Variants in LMO7 observed in about 807,000 individuals in gnomAD.
LMO7 encodes LIM domain only protein 7.
LMO7 carries 120 observed loss-of-function variants against 206.5 expected under a neutral mutation model. The observed-to-expected ratio is 0.58, with a 90% CI of 0.50 to 0.68. LMO7 has a LOEUF of 0.68. Ranked by LOEUF, LMO7 falls within the 30% of genes least tolerant of loss-of-function variation. The pLI is 0.00. For synonymous variants in LMO7, 706 were observed against 681.5 expected (o/e 1.04, Z -0.56); for missense variants, 1,959 against 1,957.9 (o/e 1.00, Z -0.01).
At chr13:75,837,607 G>A (rs2059233544) in intron 19 of LMO7, among the ~76,000 whole-genome samples, 2 of 152,108 alleles carry the variant, frequency 1.3e-5, no homozygotes, top group Non-Finnish European at 2.9e-5. Context: ...GTAGCTACCA[G>A]ATCTTGAAAA....
chr13:75,850,042 C>G (rs1364890833), intron 27 of LMO7, among the ~76,000 whole-genome samples: 1 of 152,106 alleles, frequency 6.6e-6, no homozygotes, highest in East Asian at 1.9e-4. Context: ...CACTGGAACC[C>G]GTGAGGCAGA....
upstream of LMO7, chr13:75,636,299 G>A: frequency 9.2e-7 from 1 of 1,082,558 alleles, no homozygotes; most frequent in Non-Finnish European, 1.1e-6. Context: ...CCGCGGGGAG[G>A]ACGGCGGCGG....
chr13:75,639,951 A>G (rs751530320), intron 1 of LMO7, among the ~76,000 whole-genome samples: 2 of 152,214 alleles, frequency 1.3e-5, no homozygotes, highest in African/African-American at 2.4e-5. Context: ...TGGCACTAGA[A>G]TATGAGTCCT....
chr13:75,632,862 G>GTTGTTTTTTTTTTTTTTTTTTT (rs2099197047), upstream of LMO7, among the ~76,000 whole-genome samples: 2 of 102,152 alleles, frequency 2.0e-5, no homozygotes, highest in South Asian at 7.4e-4. Flanking sequence ...TTACTTAAAA[G>GTTGTTTTTTTTTTTTTTTTTTT]TTTTTTTTTT....
chr13:75,709,743 T>C (rs954198860), intron 1 of LMO7, among the ~76,000 whole-genome samples: 31 of 152,218 alleles, frequency 2.0e-4, no homozygotes, highest in Non-Finnish European at 1.2e-4. Flanking sequence ...TCCCATTCTG[T>C]AGGTTGCCTG....
intron 4 of LMO7, among the ~76,000 whole-genome samples, chr13:75,795,108 A>C (rs1264107076): frequency 1.3e-5 from 2 of 152,194 alleles, no homozygotes; most frequent in African/African-American, 4.8e-5. Context: ...TAATGTATTT[A>C]AAAATTAGAC....
intron 1 of LMO7, among the ~76,000 whole-genome samples, chr13:75,675,876 G>A (rs551090690): frequency 4.2e-4 from 57 of 135,530 alleles, no homozygotes; most frequent in Middle Eastern, 7.6e-3. Flanking sequence ...TGTAAAACGC[G>A]TGCACGAGCG....
chr13:75,824,140 C>A (rs2057881949), intron 15 of LMO7, among the ~76,000 whole-genome samples: 1 of 152,096 alleles, frequency 6.6e-6, no homozygotes, highest in Admixed American at 6.5e-5. Flanking sequence ...TCTCTATATT[C>A]CATGTTTCAG....
At chr13:75,696,728 A>C (rs1290152849) in intron 1 of LMO7, among the ~76,000 whole-genome samples, 6 of 152,154 alleles carry the variant, frequency 3.9e-5, no homozygotes, top group Admixed American at 2.6e-4. Context: ...TTAACAGGTG[A>C]GTCCTGTCCA....
intron 1 of LMO7, among the ~76,000 whole-genome samples, chr13:75,697,584 A>G (rs1594348902): frequency 6.6e-6 from 1 of 152,206 alleles, no homozygotes; most frequent in East Asian, 1.9e-4. Flanking sequence ...TACAATTCAC[A>G]ATGAGATTTG....
chr13:75,733,073 G>T (rs1408588822), intron 3 of LMO7, among the ~76,000 whole-genome samples: 1 of 152,166 alleles, frequency 6.6e-6, no homozygotes, highest in Non-Finnish European at 1.5e-5. Context: ...GGGGGTCAGG[G>T]GTCAGGGACC....
At chr13:75,750,564 A>T (rs1168083298) in intron 3 of LMO7, among the ~76,000 whole-genome samples, 1 of 150,690 alleles carries the variant, frequency 6.6e-6, no homozygotes, top group African/African-American at 2.4e-5. Context: ...TAATAATTTT[A>T]TTTTTTTTGG....
chr13:75,809,154 ACT>A lies in LMO7; in HGVS notation c.1920_1921del (p.Phe641SerfsTer6). ...AATTTTTGGTTTTCTGGTTTCTTAGACTCTTTCAAAAGATTTATGGTGAGAAT... is the reference window on the plus strand; with the variant it reads ...AATTTTTGGTTTTCTGGTTTCTTAGACTTTCAAAAGATTTATGGTGAGAAT... ...RHKKRLMVER[L>X]FQKIYGENGS... On this transcript the variant is annotated frameshift_variant and splice_region_variant, in exon 11 of 31. Transcript: ENST00000377534. LOFTEE classifies it high-confidence loss of function. The A allele has an allele frequency of 1.2e-6, 2 of 1,611,500 alleles. No individual in the cohort carries two copies. The highest frequency in any genetic ancestry group is 1.7e-6 in the Non-Finnish European group (2 of 1,177,974).
chr13:75,836,989 A>G (rs776993373), intron 19 of LMO7, among the ~76,000 whole-genome samples: 7 of 152,148 alleles, frequency 4.6e-5, no homozygotes, highest in Non-Finnish European at 8.8e-5. Context: ...GAAATAATTT[A>G]GCTAGCATAC....
chr13:75,836,458 G>T lies in LMO7; in HGVS notation c.3394+1G>T. 7.0e-7 allele frequency: 1 copy of T among 1,424,760 alleles called. No individual in the cohort carries two copies. The highest frequency in any genetic ancestry group is 9.7e-7 in the Non-Finnish European group (1 of 1,028,714). The allele number at this position is 1,424,760 out of a possible 1,614,324, so 88.3% of individuals were successfully genotyped here. A position where few individuals can be genotyped will look rare whatever the true frequency, so the allele number is the denominator to read the frequency against. ...GAAAGCAATGCTTTTGAATCAAAAG[G>T]TAAATATCACCTTTATAACTTACAT... is the stretch of plus-strand genomic sequence containing the variant. On this transcript the variant is annotated splice_donor_variant, in intron 19 of 30. Transcript: ENST00000377534. LOFTEE classifies it high-confidence loss of function.
At chr13:75,732,310 C>G (rs138218677) in intron 3 of LMO7, among the ~76,000 whole-genome samples, 99 of 152,202 alleles carry the variant, frequency 6.5e-4, no homozygotes, top group Admixed American at 2.4e-3. Context: ...ATTTCTTGGA[C>G]GCTTTGTTTG....
chr13:75,638,242 G>C (rs1340320958), intron 1 of LMO7, among the ~76,000 whole-genome samples: 2 of 152,130 alleles, frequency 1.3e-5, no homozygotes, highest in African/African-American at 4.8e-5. Flanking sequence ...CAGGAAACAT[G>C]AATAGGAATG....
In LMO7 at chr13:75,769,737, T is replaced by C. The variant is rs567419451; in HGVS notation, c.317+8699T>C. ...CACTGTCAATTTAACAAGGGTTTGC[T>C]CTGTGTGCTTTGAGCAATTTGAGGG... On this transcript the variant is annotated intron_variant, in intron 4 of 30. Coordinates refer to ENST00000377534, the MANE Select transcript of LMO7 (RefSeq NM_001306080.2). 1.2e-4 allele frequency among the ~76,000 whole-genome samples: 18 copies of C among 152,256 alleles called. No homozygotes were observed. In the East Asian group the frequency reaches 3.3e-3, roughly 28 times the overall value.
At chr13:75,825,199 A>G (rs923154265) in intron 15 of LMO7, among the ~76,000 whole-genome samples, 6 of 149,948 alleles carry the variant, frequency 4.0e-5, no homozygotes, top group African/African-American at 1.5e-4. Context: ...TATAATTAAC[A>G]TGCTAAGTCT....
Sources: allele counts gnomAD v4.1 joint callset (sites outside exome capture counted in the v4.1 genomes callset), GRCh38; gene constraint gnomAD v4.1.1; transcripts MANE v1.5; gene names NCBI Gene and HGNC (gene_info 2026-07-23, HGNC 2026-07-21).